ROBO2: variants seen among roughly 807,000 people sequenced by gnomAD.
ROBO2 encodes roundabout guidance receptor 2, also known as roundabout homolog 2.
Under a neutral mutation model 160.8 loss-of-function variants are expected in ROBO2, and 53 were observed. The observed-to-expected ratio is 0.33, with a 90% confidence interval of 0.26 to 0.41. The LOEUF (loss-of-function observed/expected upper bound fraction) is 0.41. Among genes scored for constraint, ROBO2 ranks in the 10% least tolerant of loss-of-function variants. The pLI is 1.00. For missense variants in ROBO2, 1,577 were observed against 1,722.4 expected (o/e 0.92, Z 1.49); for synonymous variants, 664 against 611.7 (o/e 1.09, Z -1.26).
chr3:77,300,230 G>A (rs1406615054), intron 2 of ROBO2, among the ~76,000 whole-genome samples: 2 of 146,842 alleles, frequency 1.4e-5, no homozygotes, highest in Admixed American at 6.8e-5. Context: ...TCTAGACTCT[G>A]CCTAGAGTTT....
At chr3:76,915,444 G>T (rs2076241662) in intron 2 of ROBO2, among the ~76,000 whole-genome samples, 2 of 151,870 alleles carry the variant, frequency 1.3e-5, no homozygotes, top group African/African-American at 4.8e-5. Context: ...GTGGATCACT[G>T]GAGGTCAGGA....
intron 2 of ROBO2, among the ~76,000 whole-genome samples, chr3:76,457,372 A>G (rs569133005): frequency 1.1e-4 from 16 of 152,314 alleles, no homozygotes; most frequent in African/African-American, 3.8e-4. Flanking sequence ...TAAAGCTCCA[A>G]AAGGATCTCT....
chr3:77,291,843 A>T (rs1341193613), intron 2 of ROBO2, among the ~76,000 whole-genome samples: 2 of 150,966 alleles, frequency 1.3e-5, no homozygotes, highest in East Asian at 2.0e-4. Context: ...TAAACGGGTA[A>T]GCTGAGGCTA....
chr3:76,202,588 A>G (rs1366881939), intron 2 of ROBO2, among the ~76,000 whole-genome samples: 1 of 152,192 alleles, frequency 6.6e-6, no homozygotes, highest in African/African-American at 2.4e-5. Context: ...CCAAATGTGT[A>G]CACTTTATAA....
chr3:77,474,813 G>A (rs2083795120), intron 2 of ROBO2, among the ~76,000 whole-genome samples: 1 of 152,064 alleles, frequency 6.6e-6, no homozygotes. Flanking sequence ...TATCGGCTAC[G>A]ATAAAGAGCA....
chr3:77,340,784 T>C (rs1581184657), intron 2 of ROBO2, among the ~76,000 whole-genome samples: 1 of 152,114 alleles, frequency 6.6e-6, no homozygotes, highest in East Asian at 1.9e-4. Flanking sequence ...ACTGTATGAA[T>C]TACCCAGGTA....
intron 2 of ROBO2, among the ~76,000 whole-genome samples, chr3:77,131,153 C>A (rs958776275): frequency 1.3e-5 from 2 of 152,080 alleles, no homozygotes; most frequent in Non-Finnish European, 2.9e-5. Flanking sequence ...ATTCTAATGG[C>A]TTGGTGGAAC....
At chr3:76,731,065 C>T (rs986019566) in intron 2 of ROBO2, among the ~76,000 whole-genome samples, 4 of 152,164 alleles carry the variant, frequency 2.6e-5, no homozygotes, top group East Asian at 3.9e-4. Context: ...ATTCCCTACC[C>T]GCTTTTCCAT....
chr3:77,193,786 C>T (rs1213498880), intron 2 of ROBO2, among the ~76,000 whole-genome samples: 5 of 151,818 alleles, frequency 3.3e-5, no homozygotes, highest in Non-Finnish European at 2.9e-5. Context: ...CCTGATGTTT[C>T]TTAAAATTTA....
intron 2 of ROBO2, among the ~76,000 whole-genome samples, chr3:76,352,787 G>A (rs2074954935): frequency 6.6e-6 from 1 of 151,966 alleles, no homozygotes. Context: ...AATAAACTGT[G>A]TCTGGAAAGT....
At chr3:76,498,593 TATTA>T (rs2080284689) in intron 2 of ROBO2, among the ~76,000 whole-genome samples, 1 of 151,916 alleles carries the variant, frequency 6.6e-6, no homozygotes, top group African/African-American at 2.4e-5. Flanking sequence ...TTTAAAAATT[TATTA>T]ATTAAAGAGA....
At chr3:76,266,720 T>C (rs1321936580) in intron 2 of ROBO2, among the ~76,000 whole-genome samples, 1 of 152,166 alleles carries the variant, frequency 6.6e-6, no homozygotes, top group Non-Finnish European at 1.5e-5. Flanking sequence ...GGCAAGTCTA[T>C]GATGCTGCCA....
chr3:76,785,921 A>G (rs2062944232), intron 2 of ROBO2, among the ~76,000 whole-genome samples: 1 of 151,334 alleles, frequency 6.6e-6, no homozygotes, highest in African/African-American at 2.4e-5. Context: ...AAGTTTTTAT[A>G]TGTATTAGAG....
chr3:76,499,715 C>T (rs543716684), intron 2 of ROBO2, among the ~76,000 whole-genome samples: 27 of 152,252 alleles, frequency 1.8e-4, no homozygotes, highest in African/African-American at 4.6e-4. Context: ...CACACATGTA[C>T]GTGCAACAGA....
At chr3:76,238,200 G>T (rs1006812729) in intron 2 of ROBO2, among the ~76,000 whole-genome samples, 4 of 152,172 alleles carry the variant, frequency 2.6e-5, no homozygotes, top group African/African-American at 9.7e-5. Context: ...TCACACTGCT[G>T]TAAATGAATA....
chr3:77,220,775 C>T (rs998611583), intron 2 of ROBO2, among the ~76,000 whole-genome samples: 4 of 151,858 alleles, frequency 2.6e-5, no homozygotes, highest in African/African-American at 9.7e-5. Flanking sequence ...ATCATTTAGA[C>T]GTTAATGAAC....
chr3:75,921,901 G>A (rs1299803150), intron 1 of ROBO2, among the ~76,000 whole-genome samples: 1 of 152,016 alleles, frequency 6.6e-6, no homozygotes, highest in Non-Finnish European at 1.5e-5. Context: ...TAAAGCTGGA[G>A]TACATTTCAG....
intron 2 of ROBO2, among the ~76,000 whole-genome samples, chr3:77,248,307 A>G (rs1384869442): frequency 6.6e-6 from 1 of 152,122 alleles, no homozygotes; most frequent in Non-Finnish European, 1.5e-5. Context: ...TGGATGCCAG[A>G]TAAGAACTCG....
chr3:77,004,015 A>C (rs2061458620), intron 2 of ROBO2, among the ~76,000 whole-genome samples: 1 of 152,176 alleles, frequency 6.6e-6, no homozygotes. Flanking sequence ...GTTTTTATAC[A>C]GAAATGTATG....
Sources: allele counts gnomAD v4.1 joint callset (sites outside exome capture counted in the v4.1 genomes callset), GRCh38; gene constraint gnomAD v4.1.1; transcripts MANE v1.5; gene names NCBI Gene and HGNC (gene_info 2026-07-23, HGNC 2026-07-21).